Variants in TYW1 observed in about 807,000 individuals in gnomAD.
TYW1 encodes S-adenosyl-L-methionine-dependent tRNA 4-demethylwyosine synthase TYW1.
A neutral mutation model predicts 96.2 loss-of-function variants in TYW1; 46 were observed. The observed-to-expected ratio is 0.48, with a 90% CI of 0.38 to 0.61. The LOEUF (loss-of-function observed/expected upper bound fraction) is 0.61, where lower values mean the gene tolerates loss of function less well. Ranked by LOEUF, TYW1 falls within the 20% of genes least tolerant of loss-of-function variation. TYW1 has a pLI of 0.00. For synonymous variants in TYW1, 274 were observed against 323.0 expected, an observed-to-expected ratio of 0.85 and a Z score of 1.63; for missense variants, 684 against 909.6, an observed-to-expected ratio of 0.75 and a Z score of 3.19.
At chr7:67,206,132 A>T (rs867059889) in intron 15 of TYW1, among the ~76,000 whole-genome samples, 1 of 152,230 alleles carries the variant, frequency 6.6e-6, no homozygotes, top group Middle Eastern at 3.4e-3. Flanking sequence ...GGACTATTTG[A>T]TATTGGTAGA....
At chr7:67,079,673 A>G (rs1363562228) in intron 10 of TYW1, among the ~76,000 whole-genome samples, 1 of 151,894 alleles carries the variant, frequency 6.6e-6, no homozygotes, top group Admixed American at 6.6e-5. Flanking sequence ...AGTTCCCTGA[A>G]GTGCATTGTT....
intron 13 of TYW1, among the ~76,000 whole-genome samples, chr7:67,160,448 T>C (rs150821470): frequency 0.056 from 8,563 of 152,084 alleles, 508 homozygotes; most frequent in East Asian, 0.16. Context: ...TGCCAGTTTT[T>C]TCTTTTGAGA....
At chr7:67,161,981 C>G (rs1799175667) in intron 13 of TYW1, among the ~76,000 whole-genome samples, 1 of 151,944 alleles carries the variant, frequency 6.6e-6, no homozygotes, top group Admixed American at 6.6e-5. Flanking sequence ...AGCTTCGGCA[C>G]AGGGAGGTTA....
At chr7:67,154,924 C>T (rs1350568155) in intron 13 of TYW1, among the ~76,000 whole-genome samples, 1 of 152,044 alleles carries the variant, frequency 6.6e-6, no homozygotes, top group East Asian at 1.9e-4. Flanking sequence ...GTCTTGTCTT[C>T]GAGTTCAGAA....
chr7:67,001,644 A>G (rs1441768520), intron 3 of TYW1, among the ~76,000 whole-genome samples: 2 of 150,812 alleles, frequency 1.3e-5, no homozygotes, highest in African/African-American at 4.9e-5. Flanking sequence ...CTGTTCTCGA[A>G]CTCCTGACCT....
At chr7:67,054,209 A>G (rs893025325) in intron 8 of TYW1, among the ~76,000 whole-genome samples, 33 of 152,218 alleles carry the variant, frequency 2.2e-4, no homozygotes, top group African/African-American at 7.7e-4. Flanking sequence ...ATTTTCAGCA[A>G]CTGTACACTG....
At chr7:67,060,146 G>C (rs748273804) in intron 9 of TYW1, among the ~76,000 whole-genome samples, 1 of 151,982 alleles carries the variant, frequency 6.6e-6, no homozygotes, top group Non-Finnish European at 1.5e-5. Context: ...CGTGATCTTG[G>C]CTTACGGCAA....
intron 11 of TYW1, among the ~76,000 whole-genome samples, chr7:67,086,292 CATT>C (rs780009793): frequency 6.6e-6 from 1 of 152,130 alleles, no homozygotes; most frequent in African/African-American, 2.4e-5. Flanking sequence ...TTCCTAGACT[CATT>C]GTTGGTTTAG....
chr7:67,074,989 T>G (rs1450985296), intron 10 of TYW1, among the ~76,000 whole-genome samples: 1 of 152,198 alleles, frequency 6.6e-6, no homozygotes, highest in Non-Finnish European at 1.5e-5. Flanking sequence ...CCATGCCAGC[T>G]GATTTTTGTA....
At chr7:67,155,339 G>A (rs1726490363) in intron 13 of TYW1, among the ~76,000 whole-genome samples, 1 of 152,090 alleles carries the variant, frequency 6.6e-6, no homozygotes, top group African/African-American at 2.4e-5. Context: ...GTTCTTGCAA[G>A]ACCTGGTTGT....
intron 9 of TYW1, among the ~76,000 whole-genome samples, chr7:67,061,162 A>G (rs1795682506): frequency 6.6e-6 from 1 of 152,172 alleles, no homozygotes; most frequent in Admixed American, 6.6e-5. Context: ...CGGGAGGTGG[A>G]GGTTGCAGTG....
chr7:67,051,732 G>GTT (rs201852688), intron 8 of TYW1, among the ~76,000 whole-genome samples: 1 of 123,958 alleles, frequency 8.1e-6, no homozygotes, highest in Non-Finnish European at 1.8e-5. Flanking sequence ...TTGTTTTTTT[G>GTT]TTTTTTTTTT....
At chr7:67,100,236 A>C (rs1797044806) in intron 12 of TYW1, among the ~76,000 whole-genome samples, 1 of 152,110 alleles carries the variant, frequency 6.6e-6, no homozygotes, top group Admixed American at 6.6e-5. Context: ...CTCTCCTTAT[A>C]GGGATGATCA....
chr7:67,151,335 C>T (rs760944335), intron 13 of TYW1, among the ~76,000 whole-genome samples: 1 of 151,926 alleles, frequency 6.6e-6, no homozygotes. Context: ...AGGCATGAGC[C>T]GCTGTGCCTG....
In TYW1 at chr7:67,098,176, C is replaced by CTAA. The variant is rs1426727670; in HGVS notation, c.1385-363_1385-362insATA. Reference sequence around the variant, plus strand: ...TCAGGATACTTGAGGAATGATTGGTCTAGAAGAAGCTTGTTCTTATGCAGA... The same window carrying CTAA: ...TCAGGATACTTGAGGAATGATTGGTCTAATAGAAGAAGCTTGTTCTTATGCAGA... On this transcript the variant is annotated intron_variant, in intron 11 of 15. Coordinates refer to ENST00000359626, the MANE Select transcript of TYW1 (RefSeq NM_018264.4). Among the ~76,000 whole-genome samples, 8 of 152,162 alleles carry CTAA rather than the reference C, an allele frequency of 5.3e-5. 1 individual carries two copies. The highest frequency in any genetic ancestry group is 1.2e-4 in the Non-Finnish European group (8 of 68,034).
At chr7:67,029,910 A>G (rs184172913) in intron 7 of TYW1, among the ~76,000 whole-genome samples, 41 of 152,244 alleles carry the variant, frequency 2.7e-4, no homozygotes, top group African/African-American at 5.8e-4. Context: ...CATGTTGCCC[A>G]GGCCGATCTA....
chr7:67,057,202 A>T (rs1795547089), intron 9 of TYW1, among the ~76,000 whole-genome samples: 1 of 151,212 alleles, frequency 6.6e-6, no homozygotes, highest in Non-Finnish European at 1.5e-5. Context: ...TTTAGTAGAG[A>T]TGGGGTTTCA....
chr7:67,092,674 C>CTTTTTTTTTT (rs3980762), intron 11 of TYW1, among the ~76,000 whole-genome samples: 2 of 92,446 alleles, frequency 2.2e-5, no homozygotes, highest in Admixed American at 1.3e-4. Flanking sequence ...CTATCACCTT[C>CTTTTTTTTTT]TTTTTTTTTT....
chr7:67,034,638 G>A lies in TYW1; in HGVS notation c.984+9616G>A, dbSNP rs192690512. Among the ~76,000 whole-genome samples the A allele has an allele frequency of 8.6e-5, 13 of 151,996 alleles. No homozygotes were observed. In the East Asian group the frequency reaches 1.3e-3, roughly 16 times the overall value. On this transcript the variant is annotated intron_variant, in intron 7 of 15. Transcript: ENST00000359626. The stretch of plus-strand genomic sequence containing the variant: ...CTGGTCTACAGACTGCTTTTCTTTC[G>A]CTTTAACATGACAGCTTTCTGGTCC...
Sources: allele counts gnomAD v4.1 joint callset (sites outside exome capture counted in the v4.1 genomes callset), GRCh38; gene constraint gnomAD v4.1.1; transcripts MANE v1.5; gene names NCBI Gene and HGNC (gene_info 2026-07-23, HGNC 2026-07-21).